Variants in INO80 observed in about 807,000 individuals in gnomAD.
The protein encoded by INO80 is chromatin-remodeling ATPase INO80.
A neutral mutation model predicts 203.4 loss-of-function variants in INO80; 20 were observed. The ratio of observed to expected loss-of-function variants is 0.10; its 90% CI spans 0.07 to 0.14. INO80 has a LOEUF of 0.14. Ranked by LOEUF, INO80 falls within the 10% of genes least tolerant of loss-of-function variation. The pLI is 1.00. For missense variants in INO80, 1,419 were observed against 1,914.4 expected, an observed-to-expected ratio of 0.74 and a Z score of 4.83; for synonymous variants, 726 against 685.2, an observed-to-expected ratio of 1.06 and a Z score of -0.93.
Position 41,116,012 on chromosome 15 carries a change from GGGGGGCGGGGT to G in INO80, c.-94_-84del. On this transcript the variant is annotated 5_prime_UTR_variant, in exon 1 of 36. It removes the in-frame stop codon of an upstream open reading frame in the 5' UTR. Coordinates refer to ENST00000648947, the MANE Select transcript of INO80 (RefSeq NM_017553.3). ...CCCCGCCGCCGCGACGGCGGCGGAG[GGGGGGCGGGGT>G]GCGGGCGGGGTCCGGAGGGGGGGGT... The G allele has an allele frequency of 5.1e-6, 2 of 391,266 alleles. No individual in the cohort carries two copies. Among genetic ancestry groups the G allele is most frequent in the Non-Finnish European group, 9.0e-6 (2 of 221,302 alleles). 24.2% of individuals were successfully genotyped at this position (391,266 alleles called of 1,614,324 possible).
intron 11 of INO80, 25 bp downstream of exon 11, chr15:41,073,403 T>C (rs373926306): frequency 1.2e-6 from 2 of 1,602,428 alleles, no homozygotes; most frequent in Non-Finnish European, 8.6e-7. Context: ...CCAATTACAG[T>C]AAACCTTTCT....
intron 11 of INO80, 91 bp from the exon 12 acceptor site, chr15:41,072,149 T>G (rs1460718583): frequency 1.3e-6 from 1 of 798,380 alleles, no homozygotes; most frequent in Non-Finnish European, 1.9e-6. Context: ...ATATCTACCC[T>G]GTGCTAAGAA....
At position 41,023,494 on chromosome 15, in the gene INO80, C is replaced by A. The variant is rs113764240; in HGVS notation, c.3049-2369G>T. 230 of 329,064 alleles carry A rather than the reference C, an allele frequency of 7.0e-4. 1 individual carries two copies. Among genetic ancestry groups the A allele is most frequent in the African/African-American group, 4.9e-3 (220 of 45,018 alleles). The allele number at this position is 329,064 out of a possible 1,614,324, so 20.4% of individuals were successfully genotyped here. ...TTAGTCTTCTCTAGTAAGACTAAAG[C>A]GCGGTGGCTCACACCTGTAATCCCA... On this transcript the variant is annotated intron_variant, in intron 25 of 35. Coordinates refer to ENST00000648947, the MANE Select transcript of INO80 (RefSeq NM_017553.3).
At chr15:41,090,710 T>G (rs1466757129) in intron 5 of INO80, among the ~76,000 whole-genome samples, 1 of 152,032 alleles carries the variant, frequency 6.6e-6, no homozygotes, top group Non-Finnish European at 1.5e-5. Flanking sequence ...GCAGTAATGA[T>G]AGTAACACAA....
rs2045328765 is a variant in INO80 at position 41,072,072 on chromosome 15, A to G, written c.1396-14T>C. Reference sequence around the variant, plus strand: ...AAATGACCTTGTCTGGAAAGTAAAAAAAAAAAAAATTAGAAAAAAAAAAAA... The same window carrying G: ...AAATGACCTTGTCTGGAAAGTAAAAGAAAAAAAAATTAGAAAAAAAAAAAA... On this transcript the variant is annotated splice_polypyrimidine_tract_variant and intron_variant, in intron 11 of 35. Coordinates refer to ENST00000648947, the MANE Select transcript of INO80 (RefSeq NM_017553.3). The G allele has an allele frequency of 6.5e-7, 1 of 1,530,542 alleles. No individual in the cohort carries two copies. Among genetic ancestry groups the G allele is most frequent in the Non-Finnish European group, 8.8e-7 (1 of 1,139,460 alleles). 94.8% of individuals were successfully genotyped at this position (1,530,542 alleles called of 1,614,324 possible). A position where few individuals can be genotyped will look rare whatever the true frequency, so the allele number is the denominator to read the frequency against.
chr15:40,998,085 G>A (rs1056617975), intron 28 of INO80, among the ~76,000 whole-genome samples: 4 of 139,498 alleles, frequency 2.9e-5, no homozygotes, highest in South Asian at 2.2e-4. Flanking sequence ...GTAGAGGCGC[G>A]ATCTCAGCTC....
rs1484971020 is a variant in INO80, at chr15:40,989,387, C to T, written c.3571-1413G>A. ...GTGAGTGATCCTAAAACAAACTCCTCAGTCCTCAACCCTTGAGGCTACCAT... is the reference window on the plus strand; with the variant it reads ...GTGAGTGATCCTAAAACAAACTCCTTAGTCCTCAACCCTTGAGGCTACCAT... On this transcript the variant is annotated intron_variant, in intron 29 of 35. Coordinates refer to ENST00000648947, the MANE Select transcript of INO80 (RefSeq NM_017553.3). Among the ~76,000 whole-genome samples the T allele has an allele frequency of 3.3e-5, 5 of 152,206 alleles. No individual in the cohort carries two copies. The East Asian group carries it at 5.8e-4, about 18-fold the overall frequency.
At chr15:41,069,532 T>C (rs779463774) in intron 14 of INO80, 38 bp downstream of exon 14, 1 of 1,222,032 alleles carries the variant, frequency 8.2e-7, no homozygotes. Context: ...AAGTTTATTT[T>C]AAAGAGCAAT....
At chr15:41,093,821 G>C (rs2045680425) in intron 4 of INO80, among the ~76,000 whole-genome samples, 1 of 151,160 alleles carries the variant, frequency 6.6e-6, no homozygotes. Flanking sequence ...CTCCAGCCAG[G>C]GTGAAAAAGT....
At chr15:41,003,333 TC>T (rs374884459) in intron 28 of INO80, among the ~76,000 whole-genome samples, 23 of 122,062 alleles carry the variant, frequency 1.9e-4, no homozygotes, top group Non-Finnish European at 2.0e-4. Context: ...TCTTTTCTTT[TC>T]TTTTTTTTTT....
rs1334827526 is a variant in INO80, at chr15:40,978,947, GTC to G, written c.*1274_*1275del. 2 of 152,560 alleles carry G rather than the reference GTC, an allele frequency of 1.3e-5. No homozygotes were observed. Among genetic ancestry groups the G allele is most frequent in the African/African-American group, 2.4e-5 (1 of 41,418 alleles). 9.5% of individuals were successfully genotyped at this position (152,560 alleles called of 1,614,324 possible). A position where few individuals can be genotyped will look rare whatever the true frequency, so the allele number is the denominator to read the frequency against. ...TATCCAGTTAGTAAAAGGAAGATGT[GTC>G]TCTCTTTATACATATGTACAAGTTC... On this transcript the variant is annotated 3_prime_UTR_variant, in exon 36 of 36. Coordinates refer to ENST00000648947, the MANE Select transcript of INO80 (RefSeq NM_017553.3).
chr15:41,061,448 T>TAA (rs1450423079), intron 14 of INO80, among the ~76,000 whole-genome samples: 33 of 39,868 alleles, frequency 8.3e-4, no homozygotes, highest in African/African-American at 3.1e-3. Context: ...CTACCAAAAA[T>TAA]ACAAAAAAAA....
At chr15:41,103,904 C>T (rs953094220) in intron 1 of INO80, among the ~76,000 whole-genome samples, 2 of 151,992 alleles carry the variant, frequency 1.3e-5, no homozygotes, top group African/African-American at 2.4e-5. Flanking sequence ...TCTCACTTCG[C>T]GCAAAGAGGC....
chr15:41,097,619 T>C (rs2045745106), intron 1 of INO80, among the ~76,000 whole-genome samples: 1 of 150,676 alleles, frequency 6.6e-6, no homozygotes, highest in Non-Finnish European at 1.5e-5. Flanking sequence ...ATTACAGGCG[T>C]CCACCACCAC....
chr15:41,070,691 C>T (rs578041645), intron 12 of INO80, 144 bp from the exon 13 acceptor site: 1 of 667,442 alleles, frequency 1.5e-6, no homozygotes, highest in Non-Finnish European at 2.6e-6. Flanking sequence ...TTACCCACTG[C>T]TATAGTAATT....
chr15:41,087,099 T>A (rs940632307), intron 6 of INO80, among the ~76,000 whole-genome samples: 2 of 151,358 alleles, frequency 1.3e-5, no homozygotes, highest in African/African-American at 4.9e-5. Flanking sequence ...GGGTTCCACA[T>A]CATAGATTCA....
In INO80 at chr15:41,071,832, A is replaced by C. The variant is rs1170438937; in HGVS notation, c.1605+17T>G. Reference sequence around the variant, plus strand: ...AAAAGAGATAATAGAAGAGAATGACACGGTTCTAAAATTCACCTGTTCATA... The same window carrying C: ...AAAAGAGATAATAGAAGAGAATGACCCGGTTCTAAAATTCACCTGTTCATA... On this transcript the variant is annotated intron_variant, in intron 12 of 35. Coordinates refer to ENST00000648947, the MANE Select transcript of INO80 (RefSeq NM_017553.3). 1 of 1,575,002 alleles carries C rather than the reference A, an allele frequency of 6.3e-7. No homozygotes were observed. Among genetic ancestry groups the C allele is most frequent in the East Asian group, 2.2e-5 (1 of 44,654 alleles).
At chr15:41,110,207 T>C (rs147721210) in intron 1 of INO80, among the ~76,000 whole-genome samples, 2,973 of 149,260 alleles carry the variant, frequency 0.02, 93 homozygotes, top group African/African-American at 0.069. Flanking sequence ...TGCAGTGGCA[T>C]GATCTCGGCT....
At chr15:41,068,844 A>C (rs2045265609) in intron 14 of INO80, among the ~76,000 whole-genome samples, 1 of 152,174 alleles carries the variant, frequency 6.6e-6, no homozygotes, top group South Asian at 2.1e-4. Flanking sequence ...TCGGCGACAG[A>C]GTGAGACTCC....
Sources: allele counts gnomAD v4.1 joint callset (sites outside exome capture counted in the v4.1 genomes callset), GRCh38; gene constraint gnomAD v4.1.1; transcripts MANE v1.5; gene names NCBI Gene and HGNC (gene_info 2026-07-23, HGNC 2026-07-21).